Variants in POMGNT1 observed in about 807,000 individuals in gnomAD.
POMGNT1 encodes protein O-linked-mannose beta-1,2-N-acetylglucosaminyltransferase 1.
A neutral mutation model predicts 95.6 loss-of-function variants in POMGNT1; 67 were observed. The observed-to-expected ratio is 0.70, with a 90% CI of 0.58 to 0.86. The LOEUF (loss-of-function observed/expected upper bound fraction) is 0.86. POMGNT1 is among the 40% of genes least tolerant of loss of function. The probability of loss-of-function intolerance (pLI) is 0.00; values close to 1 mark genes in which losing one functional copy is unlikely to be tolerated. For missense variants in POMGNT1, 719 were observed against 855.2 expected (o/e 0.84, Z 1.99); for synonymous variants, 298 against 317.9 (o/e 0.94, Z 0.66).
chr1:46,202,282 T>G (rs1479168741), upstream of POMGNT1, among the ~76,000 whole-genome samples: 2 of 151,890 alleles, frequency 1.3e-5, no homozygotes, highest in African/African-American at 4.8e-5. Flanking sequence ...CATTACCTGT[T>G]AAATAAAACC....
At chr1:46,200,063 A>G (rs1377299555), upstream of POMGNT1, among the ~76,000 whole-genome samples, 1 of 152,176 alleles carries the variant, frequency 6.6e-6, no homozygotes, top group Non-Finnish European at 1.5e-5. Flanking sequence ...GTAGCTACTC[A>G]GGAGGCTGAA....
At chr1:46,211,049 G>T (rs1231797715) in intron 1 of POMGNT1, among the ~76,000 whole-genome samples, 2 of 151,810 alleles carry the variant, frequency 1.3e-5, no homozygotes, top group Non-Finnish European at 2.9e-5. Context: ...TAGAGTGTTG[G>T]GATTACAGGC....
At position 46,189,584 on chromosome 1, in the gene POMGNT1, G is replaced by A. The variant is rs1209878503; in HGVS notation, c.1786-17C>T. 6.9e-6 allele frequency: 11 copies of A among 1,603,212 alleles called. No homozygotes were observed. Among genetic ancestry groups the A allele is most frequent in the African/African-American group, 2.7e-5 (2 of 74,738 alleles). The stretch of plus-strand genomic sequence containing the variant: ...ATGGAGGCACTAGTGAGGGTGGGAT[G>A]GAGACAGAGACATGGGTCAGAGAGC... On this transcript the variant is annotated splice_polypyrimidine_tract_variant and intron_variant, in intron 20 of 21. Transcript: ENST00000371984.
At chr1:46,210,587 C>T (rs1282112901) in intron 1 of POMGNT1, among the ~76,000 whole-genome samples, 1 of 152,088 alleles carries the variant, frequency 6.6e-6, no homozygotes, top group African/African-American at 2.4e-5. Context: ...GATTGGTTTG[C>T]TGGTGTGGCT....
rs1657996966 is a variant in POMGNT1 at position 46,193,899 on chromosome 1, C to G, written c.906G>C (p.Val302=). 6.2e-7 allele frequency: 1 copy of G among 1,614,084 alleles called. No homozygotes were observed. Among genetic ancestry groups the G allele is most frequent in the South Asian group, 1.1e-5 (1 of 91,080 alleles). Residue 302 remains valine, a synonymous_variant, in exon 10 of 22, where the codon GTG becomes GTC. Transcript: ENST00000371984. ...DPLPDNKVLN[V]PVAVIAGNRP... Reference sequence around the variant, plus strand: ...GGTTCCCTGCAATGACAGCCACAGGCACATTGAGGACCTTGTTGTCTGGGA... The same window carrying G: ...GGTTCCCTGCAATGACAGCCACAGGGACATTGAGGACCTTGTTGTCTGGGA...
Position 46,194,297 on chromosome 1 carries a change from G to A in POMGNT1, c.856C>T (p.Pro286Ser). ...ACTGGGTCAGGGCTGAACTCGATGG[G>A]TGTGGGGTCCTTGCAGCTGCATACA... ...GSVCSCKDPT[P>S]IEFSPDPLPD... Residue 286 changes from proline to serine, a missense_variant, in exon 9 of 22, where the codon CCC becomes TCC. By Grantham distance (74) the Pro-to-Ser change is moderately conservative (BLOSUM62 -1). Around this residue, in one of 5 missense-constraint regions of POMGNT1, gnomAD observed 466 missense variants for 517.4 expected, o/e 0.90. Coordinates refer to ENST00000371984, the MANE Select transcript of POMGNT1 (RefSeq NM_017739.4). The A allele has an allele frequency of 1.2e-6, 2 of 1,614,212 alleles. No homozygotes were observed. Among genetic ancestry groups the A allele is most frequent in the Non-Finnish European group, 1.7e-6 (2 of 1,180,040 alleles).
At chr1:46,216,826 CA>C (rs1434739134) in intron 1 of POMGNT1, among the ~76,000 whole-genome samples, 1 of 152,194 alleles carries the variant, frequency 6.6e-6, no homozygotes, top group Non-Finnish European at 1.5e-5. Flanking sequence ...CAGTGTCTAT[CA>C]TTACCATCTT....
In POMGNT1 at chr1:46,194,544, T is replaced by C. The variant is rs1658063475; in HGVS notation, c.751+9A>G. ...AGGCCCTGCCCCATCCATGCTCCAC[T>C]AACTCCACCTTCTGCTGAGCTCAAT... is the stretch of plus-strand genomic sequence containing the variant. On this transcript the variant is annotated intron_variant, in intron 8 of 21. Transcript: ENST00000371984. 6.2e-7 allele frequency: 1 copy of C among 1,614,044 alleles called. No homozygotes were observed. Among genetic ancestry groups the C allele is most frequent in the Non-Finnish European group, 8.5e-7 (1 of 1,179,996 alleles).
At chr1:46,206,197 T>C (rs1658709262) in intron 1 of POMGNT1, among the ~76,000 whole-genome samples, 1 of 152,268 alleles carries the variant, frequency 6.6e-6, no homozygotes, top group Admixed American at 6.5e-5. Context: ...GTCTTGGCTC[T>C]GCTTCTGAAA....
At chr1:46,190,172 G>A in intron 19 of POMGNT1, 183 bp from the exon 20 acceptor site, 2 of 751,756 alleles carry the variant, frequency 2.7e-6, no homozygotes. Flanking sequence ...AGCCTCCCAA[G>A]TAGCTGGGAC....
chr1:46,215,879 T>TGG (rs1421912812), intron 1 of POMGNT1, among the ~76,000 whole-genome samples: 1 of 152,066 alleles, frequency 6.6e-6, no homozygotes, highest in African/African-American at 2.4e-5. Context: ...CAGCCTGGGC[T>TGG]ATAGAGTAAG....
At chr1:46,197,367 GT>G (rs1557678713) in intron 2 of POMGNT1, 1 of 1,482,190 alleles carries the variant, frequency 6.7e-7, no homozygotes, top group Admixed American at 2.0e-5. Flanking sequence ...TCCATTGTTG[GT>G]TTCTAGAGAT....
Position 46,196,649 on chromosome 1 carries a change from A to T in POMGNT1, c.354+82T>A. ...AGAAACTGGCAGAGTTGCAGTTCCCACTTAGGCAGTAGACCCTGCTGCCAG... is the reference window on the plus strand; with the variant it reads ...AGAAACTGGCAGAGTTGCAGTTCCCTCTTAGGCAGTAGACCCTGCTGCCAG... On this transcript the variant is annotated intron_variant, in intron 4 of 21. Coordinates refer to ENST00000371984, the MANE Select transcript of POMGNT1 (RefSeq NM_017739.4). This position sits in a 1 kb window ranked among gnomAD's most constrained non-coding sequence, Gnocchi z 4.4. The T allele has an allele frequency of 6.2e-7, 1 of 1,610,042 alleles. No homozygotes were observed. Among genetic ancestry groups the T allele is most frequent in the Non-Finnish European group, 8.5e-7 (1 of 1,179,636 alleles).
upstream of POMGNT1, chr1:46,203,237 G>A: frequency 4.9e-6 from 2 of 411,202 alleles, no homozygotes; most frequent in Non-Finnish European, 8.6e-6. Flanking sequence ...GGTTGTGTGC[G>A]CAGCACTCGA....
chr1:46,205,135 G>C (rs1658670754), intron 1 of POMGNT1, among the ~76,000 whole-genome samples: 1 of 152,184 alleles, frequency 6.6e-6, no homozygotes, highest in Non-Finnish European at 1.5e-5. Context: ...GTGTGTGCCT[G>C]TAGTCCTAGC....
At chr1:46,218,251 T>G (rs1426860045) in intron 1 of POMGNT1, among the ~76,000 whole-genome samples, 1 of 152,208 alleles carries the variant, frequency 6.6e-6, no homozygotes, top group Non-Finnish European at 1.5e-5. Flanking sequence ...TAGCCAGGTG[T>G]GGTGCACGCC....
At chr1:46,189,763 T>C in intron 20 of POMGNT1, 91 bp downstream of exon 20, 3 of 1,588,696 alleles carry the variant, frequency 1.9e-6, no homozygotes, top group Non-Finnish European at 2.6e-6. Flanking sequence ...GTTCTGAGGT[T>C]GAAGATTCCA....
At chr1:46,197,265 G>A (rs1378752639) in intron 2 of POMGNT1, 181 bp from the exon 3 acceptor site, 2 of 1,527,020 alleles carry the variant, frequency 1.3e-6, no homozygotes, top group Admixed American at 2.0e-5. Flanking sequence ...TTTCCCCAGG[G>A]AACCTCCCCT....
intron 1 of POMGNT1, among the ~76,000 whole-genome samples, chr1:46,208,749 G>A (rs1658801851): frequency 6.6e-6 from 1 of 152,096 alleles, no homozygotes; most frequent in South Asian, 2.1e-4. Context: ...GCTGAGGCAG[G>A]AAAATCGCTT....
Sources: allele counts gnomAD v4.1 joint callset (sites outside exome capture counted in the v4.1 genomes callset), GRCh38; gene constraint gnomAD v4.1.1; regional missense constraint gnomAD v4.1.1; non-coding constraint Gnocchi (gnomAD v3.1); transcripts MANE v1.5; gene names NCBI Gene and HGNC (gene_info 2026-07-23, HGNC 2026-07-21).